Variants in NAV3 observed in about 807,000 individuals in gnomAD.
The protein encoded by NAV3 is pore membrane and/or filament interacting like protein 1.
Under a neutral mutation model 244.7 loss-of-function variants are expected in NAV3, and 87 were observed. The ratio of observed to expected loss-of-function variants is 0.36; its 90% confidence interval spans 0.30 to 0.42. The LOEUF is 0.42. NAV3 is among the 20% of genes least tolerant of loss of function. NAV3 has a pLI of 1.00. For synonymous variants in NAV3, 1,126 were observed against 1,042.2 expected (o/e 1.08, Z -1.55); for missense variants, 2,663 against 2,893.3 (o/e 0.92, Z 1.83).
At chr12:77,854,883 C>T (rs1234647826) in intron 1 of NAV3, among the ~76,000 whole-genome samples, 7 of 152,014 alleles carry the variant, frequency 4.6e-5, no homozygotes, top group Admixed American at 1.3e-4. Context: ...TTTGGGAGGC[C>T]GAGGTGGGTG....
chr12:77,948,329 A>C (rs1024291611), intron 3 of NAV3, among the ~76,000 whole-genome samples: 13 of 152,028 alleles, frequency 8.6e-5, no homozygotes, highest in Admixed American at 7.9e-4. Flanking sequence ...AATTGGAATA[A>C]AGTAACGGTT....
intron 1 of NAV3, among the ~76,000 whole-genome samples, chr12:77,922,517 G>A (rs75525590): frequency 0.019 from 2,852 of 152,166 alleles, 39 homozygotes; most frequent in Non-Finnish European, 0.03. Context: ...TTATCCTACA[G>A]AGGTGTTGCT....
At chr12:78,118,934 T>A (rs1955543062) in intron 14 of NAV3, among the ~76,000 whole-genome samples, 1 of 152,204 alleles carries the variant, frequency 6.6e-6, no homozygotes, top group African/African-American at 2.4e-5. Flanking sequence ...CTTTTTCTAG[T>A]AATTAGCTTG....
intron 1 of NAV3, among the ~76,000 whole-genome samples, chr12:77,906,517 A>T (rs1391274193): frequency 7.6e-6 from 1 of 131,100 alleles, no homozygotes; most frequent in Non-Finnish European, 1.6e-5. Flanking sequence ...TAATACTGCC[A>T]GTAAAGAAAA....
At chr12:77,650,731 G>A (rs1225426449) in intron 2 of NAV3, among the ~76,000 whole-genome samples, 1 of 151,952 alleles carries the variant, frequency 6.6e-6, no homozygotes, top group Non-Finnish European at 1.5e-5. Flanking sequence ...AAGTGTCTTG[G>A]AGCCTGATAT....
intron 2 of NAV3, among the ~76,000 whole-genome samples, chr12:77,791,354 CAAAAAAA>C (rs5799345): frequency 7.2e-6 from 1 of 138,562 alleles, no homozygotes; most frequent in Admixed American, 7.2e-5. Flanking sequence ...AACTCCATCT[CAAAAAAA>C]AAAAAAAAAA....
intron 1 of NAV3, among the ~76,000 whole-genome samples, chr12:77,918,056 A>G (rs1887335091): frequency 6.6e-6 from 1 of 152,086 alleles, no homozygotes; most frequent in African/African-American, 2.4e-5. Context: ...AAAAGTCCAA[A>G]TTGAATTAAT....
chr12:77,690,736 G>A (rs1034658778), intron 2 of NAV3, among the ~76,000 whole-genome samples: 1 of 150,806 alleles, frequency 6.6e-6, no homozygotes, highest in African/African-American at 2.4e-5. Context: ...ATGGATGATT[G>A]TAAATGATTT....
chr12:77,593,518 C>T (rs1453520349), intron 2 of NAV3, among the ~76,000 whole-genome samples: 5 of 150,984 alleles, frequency 3.3e-5, no homozygotes, highest in South Asian at 2.1e-4. Context: ...GGCGCGATCT[C>T]GGCTCACTGC....
chr12:77,840,342 G>A (rs1021924801), intron 1 of NAV3, among the ~76,000 whole-genome samples: 2 of 152,106 alleles, frequency 1.3e-5, no homozygotes, highest in Admixed American at 6.6e-5. Context: ...AAATGTCAAA[G>A]TGACATGATT....
intron 5 of NAV3, among the ~76,000 whole-genome samples, chr12:77,971,529 C>A (rs1408267232): frequency 6.6e-6 from 1 of 151,934 alleles, no homozygotes; most frequent in African/African-American, 2.4e-5. Context: ...TGTGGACTTA[C>A]CTGTAGCAAT....
At chr12:78,114,508 A>G (rs1310384349) in intron 12 of NAV3, among the ~76,000 whole-genome samples, 2 of 152,164 alleles carry the variant, frequency 1.3e-5, no homozygotes, top group Non-Finnish European at 2.9e-5. Flanking sequence ...CCTCCTTCAC[A>G]TGGTGGCAGG....
chr12:77,617,640 C>A (rs1229090044), intron 2 of NAV3, among the ~76,000 whole-genome samples: 1 of 152,194 alleles, frequency 6.6e-6, no homozygotes, highest in Non-Finnish European at 1.5e-5. Context: ...CTCCAATCCA[C>A]TTCCCTGAGG....
At chr12:77,672,425 A>G (rs997916918) in intron 2 of NAV3, among the ~76,000 whole-genome samples, 1 of 152,148 alleles carries the variant, frequency 6.6e-6, no homozygotes, top group African/African-American at 2.4e-5. Context: ...ATAAGTCACT[A>G]TATGAAAAGG....
At chr12:77,762,372 A>G (rs1019477041) in intron 2 of NAV3, among the ~76,000 whole-genome samples, 4 of 152,112 alleles carry the variant, frequency 2.6e-5, no homozygotes, top group Non-Finnish European at 5.9e-5. Context: ...ACACTTGTCT[A>G]CCTATGTAAC....
In NAV3 at chr12:77,763,560, T is replaced by C. The variant is rs139458291; in HGVS notation, c.73-176759T>C. Among the ~76,000 whole-genome samples the C allele has an allele frequency of 5.9e-4, 90 of 152,214 alleles. 1 individual carries two copies. The highest frequency in any genetic ancestry group is 2.2e-3 in the African/African-American group (90 of 41,534). On this transcript the variant is annotated intron_variant, in intron 2 of 8. Coordinates refer to the NAV3 transcript ENST00000550042. ...CCTAATACGAGTAATGCACCATTGGTTGTGCAGAGGTCTGAACTCATCCTC... is the reference window on the plus strand; with the variant it reads ...CCTAATACGAGTAATGCACCATTGGCTGTGCAGAGGTCTGAACTCATCCTC...
intron 2 of NAV3, among the ~76,000 whole-genome samples, chr12:77,795,586 TTATACTGCA>T (rs1236024823): frequency 4.0e-4 from 61 of 152,172 alleles, no homozygotes; most frequent in Non-Finnish European, 6.9e-4. Context: ...TGCAGTATAG[TTATACTGCA>T]TATAAGTACA....
chr12:78,168,956 A>G (rs961592877), intron 24 of NAV3, 90 bp downstream of exon 24: 9 of 795,346 alleles, frequency 1.1e-5, no homozygotes, highest in African/African-American at 8.8e-5. Context: ...ACTCAGTGTC[A>G]CTGTGCATTA....
intron 2 of NAV3, among the ~76,000 whole-genome samples, chr12:77,604,560 T>C (rs936101282): frequency 2.1e-5 from 3 of 142,400 alleles, no homozygotes; most frequent in South Asian, 2.3e-4. Context: ...TTAAATCTTA[T>C]GTAGTTTTTT....
Sources: gnomAD v4.1 joint callset for allele counts (sites outside exome capture counted in the v4.1 genomes callset) on GRCh38, gnomAD v4.1.1 for gene constraint, MANE v1.5 for transcripts, NCBI Gene and HGNC (gene_info 2026-07-23, HGNC 2026-07-21) for gene names.